The following CCR5AS variants were observed in gnomAD, a reference collection of about 807,000 sequenced individuals.
CCR5AS encodes the protein CCR5 antisense RNA.
chr3:46,379,516 C>A (rs1701794869), intron 2 of CCR5AS, among the ~76,000 whole-genome samples: 1 of 152,106 alleles, frequency 6.6e-6, no homozygotes, highest in African/African-American at 2.4e-5. Context: ...CTTGCAGAAT[C>A]CAATTAACAA....
intron 2 of CCR5AS, among the ~76,000 whole-genome samples, chr3:46,382,502 T>C (rs1009467700): frequency 6.6e-6 from 1 of 152,244 alleles, no homozygotes; most frequent in Non-Finnish European, 1.5e-5. Context: ...CTTGATTTCC[T>C]TGGCATGAGG....
At chr3:46,374,041 G>A in intron 2 of CCR5AS, 1 of 996,480 alleles carries the variant, frequency 1.0e-6, no homozygotes, top group Admixed American at 2.4e-5. Context: ...GCTGGGGGTG[G>A]GGTGGGAGAG....
At position 46,399,248 on chromosome 3, in the gene CCR5AS, G is replaced by A. The variant is rs373875603; in HGVS notation, n.164-6196C>T. 8.5e-5 allele frequency among the ~76,000 whole-genome samples: 13 copies of A among 152,236 alleles called. No individual in the cohort carries two copies. In the East Asian group the frequency reaches 1.2e-3, roughly 14 times the overall value. ...TTATTGTCTGTAGTAATGGAGAGCCGGGAGATCCTGGACACTTCCTGTTCA... is the reference window on the plus strand; with the variant it reads ...TTATTGTCTGTAGTAATGGAGAGCCAGGAGATCCTGGACACTTCCTGTTCA... On this transcript the variant is annotated intron_variant and non_coding_transcript_variant, in intron 1 of 3. Transcript: ENST00000451485.
At chr3:46,397,720 T>C (rs1701972571) in intron 1 of CCR5AS, among the ~76,000 whole-genome samples, 1 of 152,114 alleles carries the variant, frequency 6.6e-6, no homozygotes, top group African/African-American at 2.4e-5. Context: ...GAGCCTGCTG[T>C]TAATAAGGTG....
chr3:46,406,313 A>G (rs17078842), intron 1 of CCR5AS, among the ~76,000 whole-genome samples: 2,833 of 152,218 alleles, frequency 0.019, 83 homozygotes, highest in African/African-American at 0.065. Flanking sequence ...TCCCCAAATT[A>G]GGTTAGTCAC....
exon 4 of CCR5AS, chr3:46,364,831 C>A (rs1274291981): frequency 6.6e-6 from 1 of 152,132 alleles, no homozygotes; most frequent in Non-Finnish European, 1.5e-5. Flanking sequence ...TGATTCCAAC[C>A]CCCATAGATG....
chr3:46,375,226 A>T (rs1235014084), intron 2 of CCR5AS: 1 of 167,024 alleles, frequency 6.0e-6, no homozygotes, highest in African/African-American at 2.4e-5. Flanking sequence ...TGAAATACTG[A>T]GGGGTCTCCA....
intron 2 of CCR5AS, chr3:46,374,213 G>A (rs964152239): frequency 1.7e-5 from 6 of 347,038 alleles, no homozygotes; most frequent in African/African-American, 1.1e-4. Flanking sequence ...CCCTTCACAT[G>A]CATCAAGTTA....
intron 1 of CCR5AS, among the ~76,000 whole-genome samples, chr3:46,397,930 A>G (rs757759445): frequency 3.3e-5 from 5 of 152,204 alleles, no homozygotes; most frequent in South Asian, 2.1e-4. Context: ...CAAAGCCCAC[A>G]TGCATCAAAA....
chr3:46,380,646 G>A (rs755527360), intron 2 of CCR5AS, among the ~76,000 whole-genome samples: 6 of 152,226 alleles, frequency 3.9e-5, no homozygotes, highest in Admixed American at 2.0e-4. Context: ...TGGCACGCCA[G>A]CGATGAGCCT....
intron 2 of CCR5AS, chr3:46,375,733 C>T (rs182052831): frequency 6.0e-6 from 1 of 166,862 alleles, no homozygotes; most frequent in East Asian, 1.9e-4. Flanking sequence ...CAGAAAAAAT[C>T]GTCTCTCCCT....
At chr3:46,366,554 G>A (rs1354418908) in intron 3 of CCR5AS, among the ~76,000 whole-genome samples, 1 of 152,226 alleles carries the variant, frequency 6.6e-6, no homozygotes, top group Non-Finnish European at 1.5e-5. Context: ...GAGGTAGACA[G>A]CCTGCACATG....
intron 1 of CCR5AS, among the ~76,000 whole-genome samples, chr3:46,394,565 C>T (rs954073727): frequency 3.3e-5 from 5 of 152,116 alleles, no homozygotes; most frequent in African/African-American, 1.2e-4. Context: ...CCCAGTGGCG[C>T]GTGCACACCT....
chr3:46,394,466 T>C (rs1559575172), intron 1 of CCR5AS, among the ~76,000 whole-genome samples: 2 of 152,144 alleles, frequency 1.3e-5, no homozygotes, highest in Non-Finnish European at 2.9e-5. Context: ...CTTCACCCAC[T>C]CATTCCTGTC....
chr3:46,372,838 G>A, intron 2 of CCR5AS: 1 of 1,276,604 alleles, frequency 7.8e-7, no homozygotes, highest in Non-Finnish European at 1.1e-6. Context: ...TTCATGGAGG[G>A]CAACTAAATA....
At chr3:46,402,679 T>C (rs2106781475) in intron 1 of CCR5AS, among the ~76,000 whole-genome samples, 1 of 152,366 alleles carries the variant, frequency 6.6e-6, no homozygotes, top group African/African-American at 2.4e-5. Context: ...AACATTCTAA[T>C]ACCTATTTCT....
In CCR5AS at chr3:46,392,629, AGGT is replaced by A. The variant is rs370554297; in HGVS notation, n.391+193_391+195del. Among the ~76,000 whole-genome samples the A allele has an allele frequency of 3.6e-3, 548 of 152,314 alleles. 5 individuals are homozygous for A. The highest frequency in any genetic ancestry group is 0.012 in the African/African-American group (519 of 41,574). ...TGGAATGTGGGTGAAAGATCAAGGT[AGGT>A]GTCCCCATGATGATCAGACACCAAA... On this transcript the variant is annotated intron_variant and non_coding_transcript_variant, in intron 2 of 3. Coordinates refer to ENST00000451485, the Ensembl canonical transcript of CCR5AS.
intron 2 of CCR5AS, among the ~76,000 whole-genome samples, chr3:46,381,438 G>C (rs1440364776): frequency 6.6e-6 from 1 of 152,072 alleles, no homozygotes; most frequent in East Asian, 1.9e-4. Context: ...TATACATCCT[G>C]GCATATGGTT....
intron 2 of CCR5AS, chr3:46,373,602 G>T (rs371621013): frequency 6.2e-7 from 1 of 1,613,894 alleles, no homozygotes; most frequent in African/African-American, 1.3e-5. Flanking sequence ...GCACAGGGCT[G>T]TGAGGCTTAT....
Sources: allele counts gnomAD v4.1 joint callset (sites outside exome capture counted in the v4.1 genomes callset), GRCh38; gene constraint gnomAD v4.1.1; transcripts MANE v1.5; gene names NCBI Gene and HGNC (gene_info 2026-07-23, HGNC 2026-07-21).